The following FBXL17 variants were observed in gnomAD, a reference collection of about 807,000 sequenced individuals.
The protein encoded by FBXL17 is F-box and leucine rich repeat protein 17, also known as F-box/LRR-repeat protein 17.
Under a neutral mutation model 66.2 loss-of-function variants are expected in FBXL17, and 22 were observed. The ratio of observed to expected loss-of-function variants is 0.33; its 90% CI spans 0.24 to 0.47. The LOEUF (loss-of-function observed/expected upper bound fraction) is 0.47, where lower values mean the gene tolerates loss of function less well. Ranked by LOEUF, FBXL17 falls within the 20% of genes least tolerant of loss-of-function variation. FBXL17 has a pLI of 1.00. For missense variants in FBXL17, 878 were observed against 948.2 expected (o/e 0.93, Z 0.97); for synonymous variants, 474 against 400.5 (o/e 1.18, Z -2.19).
chr5:107,935,551 G>C (rs935945632), intron 7 of FBXL17, among the ~76,000 whole-genome samples: 1 of 152,002 alleles, frequency 6.6e-6, no homozygotes, highest in Non-Finnish European at 1.5e-5. Flanking sequence ...GAAAGAAGAC[G>C]AATGTGCTTT....
chr5:108,279,322 C>T (rs998464623), intron 4 of FBXL17, among the ~76,000 whole-genome samples: 2 of 152,164 alleles, frequency 1.3e-5, no homozygotes, highest in African/African-American at 2.4e-5. Context: ...CCACCACCAT[C>T]ACCACTAAAA....
chr5:108,073,028 T>G (rs1434415081), intron 6 of FBXL17, among the ~76,000 whole-genome samples: 1 of 152,174 alleles, frequency 6.6e-6, no homozygotes, highest in Non-Finnish European at 1.5e-5. Context: ...TACCTCAGGA[T>G]GAAAACTCTT....
In FBXL17 at chr5:108,058,467, C is replaced by T. The variant is rs995997606; in HGVS notation, c.1746-37466G>A. Among the ~76,000 whole-genome samples, 678 of 151,212 alleles carry T rather than the reference C, an allele frequency of 4.5e-3. 2 individuals carry two copies. Among genetic ancestry groups the T allele is most frequent in the African/African-American group, 0.016 (654 of 41,206 alleles). ...TCTTCTCTCCTTTTCTTTCTTCTCT[C>T]TCTCCTTTTCTTTCTTTCTTTCTTT... is the stretch of plus-strand genomic sequence containing the variant. On this transcript the variant is annotated intron_variant, in intron 6 of 8. Transcript: ENST00000542267.
intron 7 of FBXL17, among the ~76,000 whole-genome samples, chr5:108,020,310 A>C (rs2112762166): frequency 6.6e-6 from 1 of 152,104 alleles, no homozygotes; most frequent in East Asian, 1.9e-4. Flanking sequence ...AGGAAGGGCT[A>C]GGTTATTTTT....
rs558613820 is a variant in FBXL17 at position 108,118,964 on chromosome 5, C to T, written c.1745+67153G>A. Among the ~76,000 whole-genome samples the T allele has an allele frequency of 3.9e-5, 6 of 152,306 alleles. No individual in the cohort carries two copies. The East Asian group carries it at 1.2e-3, about 29-fold the overall frequency. On this transcript the variant is annotated intron_variant, in intron 6 of 8. Coordinates refer to ENST00000542267, the MANE Select transcript of FBXL17 (RefSeq NM_001163315.3). ...AGACGCCACCTCCTCTGGGAAGCCT[C>T]TCCTATCCTTTACATATTTCCTTTT...
At chr5:107,973,975 T>G (rs1752486644) in intron 7 of FBXL17, among the ~76,000 whole-genome samples, 1 of 152,196 alleles carries the variant, frequency 6.6e-6, no homozygotes, top group Non-Finnish European at 1.5e-5. Flanking sequence ...TTCCATCCGT[T>G]GCTTTCCTTT....
chr5:107,999,049 C>G (rs1299832731), intron 7 of FBXL17, among the ~76,000 whole-genome samples: 1 of 152,176 alleles, frequency 6.6e-6, no homozygotes, highest in Non-Finnish European at 1.5e-5. Context: ...GGCGATCTCT[C>G]CTTGCCATCA....
rs189428624 is a variant in FBXL17, at chr5:108,280,900, T to C, written c.1507-56672A>G. Among the ~76,000 whole-genome samples the C allele has an allele frequency of 7.1e-4, 107 of 151,262 alleles. 1 individual carries two copies. Among genetic ancestry groups the C allele is most frequent in the African/African-American group, 2.6e-3 (105 of 41,024 alleles). Reference sequence around the variant, plus strand: ...ATATTAGATAAAACAGACATTAAGTTAAAAACAGTAAAAAGAGAAAGAGAG... The same window carrying C: ...ATATTAGATAAAACAGACATTAAGTCAAAAACAGTAAAAAGAGAAAGAGAG... On this transcript the variant is annotated intron_variant, in intron 4 of 8. Coordinates refer to ENST00000542267, the MANE Select transcript of FBXL17 (RefSeq NM_001163315.3).
chr5:107,933,043 G>T (rs1580724688), intron 7 of FBXL17, among the ~76,000 whole-genome samples: 1 of 152,284 alleles, frequency 6.6e-6, no homozygotes, highest in East Asian at 1.9e-4. Context: ...AAGGAATTTT[G>T]AGGTCCAGCA....
At position 108,029,679 on chromosome 5, in the gene FBXL17, G is replaced by A. The variant is rs536756690; in HGVS notation, c.1746-8678C>T. Among the ~76,000 whole-genome samples the A allele has an allele frequency of 3.3e-5, 5 of 152,020 alleles. No homozygotes were observed. The East Asian group carries it at 5.8e-4, about 18-fold the overall frequency. On this transcript the variant is annotated intron_variant, in intron 6 of 8. Coordinates refer to ENST00000542267, the MANE Select transcript of FBXL17 (RefSeq NM_001163315.3). The stretch of plus-strand genomic sequence containing the variant: ...AAATATGTGGACTATATTTAAAAAA[G>A]AATGTGACAATAAAAGGCATCAACC...
chr5:108,350,983 T>C (rs73216327), intron 3 of FBXL17, among the ~76,000 whole-genome samples: 2,304 of 152,270 alleles, frequency 0.015, 62 homozygotes, highest in African/African-American at 0.051. Flanking sequence ...ATCACACTTG[T>C]ATATGAGAAG....
chr5:108,327,265 G>A (rs1482290387), intron 4 of FBXL17, among the ~76,000 whole-genome samples: 3 of 152,158 alleles, frequency 2.0e-5, no homozygotes, highest in Non-Finnish European at 4.4e-5. Context: ...TAAGCCAAAA[G>A]TCAAAAAGAA....
chr5:108,164,985 T>C (rs1752359883), intron 6 of FBXL17, among the ~76,000 whole-genome samples: 1 of 152,196 alleles, frequency 6.6e-6, no homozygotes, highest in Admixed American at 6.5e-5. Context: ...CATCCACAAT[T>C]GGCATAGGTA....
intron 6 of FBXL17, among the ~76,000 whole-genome samples, chr5:108,117,683 T>C (rs1401530547): frequency 2.0e-5 from 3 of 152,028 alleles, no homozygotes; most frequent in Non-Finnish European, 4.4e-5. Context: ...AGGTAGTCCA[T>C]GAGGAAAAGG....
intron 6 of FBXL17, among the ~76,000 whole-genome samples, chr5:108,174,536 G>A (rs1219111264): frequency 6.6e-6 from 1 of 152,004 alleles, no homozygotes; most frequent in Non-Finnish European, 1.5e-5. Context: ...ATGTTCTGAT[G>A]ATTTTTAGCC....
In FBXL17 at chr5:108,381,792, AG is replaced by A. The variant is rs898675980; in HGVS notation, c.-102del. ...GGCCGCTCGCTGGCTCGGCCCCCGG[AG>A]GGGTCGCCCTTCCTGCGCACACACA... On this transcript the variant is annotated 5_prime_UTR_variant, in exon 1 of 9. Coordinates refer to ENST00000542267, the MANE Select transcript of FBXL17 (RefSeq NM_001163315.3). 7.4e-7 allele frequency: 1 copy of A among 1,355,564 alleles called. No individual in the cohort carries two copies. The allele number at this position is 1,355,564 out of a possible 1,614,324, so 84.0% of individuals were successfully genotyped here. A position where few individuals can be genotyped will look rare whatever the true frequency, so the allele number is the denominator to read the frequency against.
At chr5:108,203,751 AATCG>A (rs1240304090) in intron 5 of FBXL17, among the ~76,000 whole-genome samples, 7 of 152,148 alleles carry the variant, frequency 4.6e-5, no homozygotes, top group Non-Finnish European at 7.4e-5. Flanking sequence ...AATCTAAACC[AATCG>A]ATTGTTTGAA....
At chr5:108,001,289 A>G (rs931062001) in intron 7 of FBXL17, among the ~76,000 whole-genome samples, 1 of 152,172 alleles carries the variant, frequency 6.6e-6, no homozygotes, top group African/African-American at 2.4e-5. Flanking sequence ...ACATGTGTGA[A>G]TGTTTTTATG....
intron 6 of FBXL17, among the ~76,000 whole-genome samples, chr5:108,170,758 TCC>T (rs1022599730): frequency 6.6e-4 from 100 of 152,288 alleles, no homozygotes; most frequent in African/African-American, 2.3e-3. Context: ...GGTTTCAAAC[TCC>T]CGACCCCAAG....
Sources: gnomAD v4.1 joint callset for allele counts (sites outside exome capture counted in the v4.1 genomes callset) on GRCh38, gnomAD v4.1.1 for gene constraint, MANE v1.5 for transcripts, NCBI Gene and HGNC (gene_info 2026-07-23, HGNC 2026-07-21) for gene names.